ANGPT1: variants seen among roughly 807,000 people sequenced by gnomAD.
ANGPT1 encodes angiopoietin-1.
In ANGPT1, 17 loss-of-function variants were observed where a neutral mutation model predicts 62.2. That is an observed-to-expected ratio of 0.27 (90% CI 0.19 to 0.41). The LOEUF (loss-of-function observed/expected upper bound fraction) is 0.41. Among genes scored for constraint, ANGPT1 ranks in the 10% least tolerant of loss-of-function variants. The pLI, the probability that ANGPT1 is intolerant of heterozygous loss-of-function variation, is 1.00. For synonymous variants in ANGPT1, 199 were observed against 198.9 expected (o/e 1.00, Z 0.00); for missense variants, 478 against 594.9 (o/e 0.80, Z 2.04).
At chr8:107,255,496 C>A (rs1813337685) in intron 8 of ANGPT1, among the ~76,000 whole-genome samples, 1 of 152,310 alleles carries the variant, frequency 6.6e-6, no homozygotes, top group South Asian at 2.1e-4. Context: ...AAGACCCAGA[C>A]TTTTCATGCT....
At chr8:107,261,097 T>C (rs1422723764) in intron 8 of ANGPT1, among the ~76,000 whole-genome samples, 2 of 152,112 alleles carry the variant, frequency 1.3e-5, no homozygotes, top group South Asian at 4.1e-4. Context: ...TCTTTGAAAA[T>C]AGACATGGAG....
chr8:107,288,439 A>G (rs985953223), intron 6 of ANGPT1, among the ~76,000 whole-genome samples: 4 of 152,090 alleles, frequency 2.6e-5, no homozygotes, highest in African/African-American at 7.2e-5. Flanking sequence ...TACCATGCTA[A>G]TAAGTTAATA....
chr8:107,463,862 C>A (rs1361053826), intron 1 of ANGPT1, among the ~76,000 whole-genome samples: 1 of 152,068 alleles, frequency 6.6e-6, no homozygotes, highest in East Asian at 1.9e-4. Context: ...TTACAAGGAT[C>A]AAGAAACTCC....
intron 1 of ANGPT1, among the ~76,000 whole-genome samples, chr8:107,408,092 G>T (rs1817186761): frequency 6.6e-6 from 1 of 151,600 alleles, no homozygotes; most frequent in Non-Finnish European, 1.5e-5. Context: ...AAATAAAAAT[G>T]ATTTGGGTCA....
chr8:107,279,226 G>C (rs1039355643), intron 7 of ANGPT1, among the ~76,000 whole-genome samples: 1 of 152,074 alleles, frequency 6.6e-6, no homozygotes, highest in Non-Finnish European at 1.5e-5. Context: ...TTTTATCAAA[G>C]AATTGAAAGG....
In ANGPT1 at chr8:107,319,067, A is replaced by T. The variant is rs139128862; in HGVS notation, c.808+2829T>A. On this transcript the variant is annotated intron_variant, in intron 4 of 8. Transcript: ENST00000517746. ...TGCTTATAAAGCACATAATGAATGT[A>T]CTTAACTGAATCTTGTCCATCGAAG... Among the ~76,000 whole-genome samples, 940 of 152,316 alleles carry T rather than the reference A, an allele frequency of 6.2e-3. 9 individuals are homozygous for T. The highest frequency in any genetic ancestry group is 8.3e-3 in the Non-Finnish European group (567 of 68,010).
chr8:107,313,492 T>C (rs1814933306), intron 4 of ANGPT1, among the ~76,000 whole-genome samples: 1 of 121,594 alleles, frequency 8.2e-6, no homozygotes, highest in Non-Finnish European at 1.6e-5. Flanking sequence ...CAGGCTGGAG[T>C]GCAGCGGCGC....
At chr8:107,272,652 A>C (rs1007158085) in intron 7 of ANGPT1, among the ~76,000 whole-genome samples, 2 of 151,718 alleles carry the variant, frequency 1.3e-5, no homozygotes, top group African/African-American at 4.8e-5. Flanking sequence ...CCTCCAAAGA[A>C]AATAGCAAAC....
At chr8:107,381,265 C>T (rs1816631470) in intron 1 of ANGPT1, among the ~76,000 whole-genome samples, 1 of 152,116 alleles carries the variant, frequency 6.6e-6, no homozygotes, top group African/African-American at 2.4e-5. Context: ...AGGCAAAATG[C>T]TCAAAGGGGA....
chr8:107,471,268 C>A (rs1422614660), intron 1 of ANGPT1, among the ~76,000 whole-genome samples: 2 of 152,026 alleles, frequency 1.3e-5, no homozygotes, highest in Non-Finnish European at 2.9e-5. Context: ...AGCTGGAAAC[C>A]ATCATTCTCA....
chr8:107,335,368 T>A (rs1417428043), intron 3 of ANGPT1, among the ~76,000 whole-genome samples: 1 of 152,200 alleles, frequency 6.6e-6, no homozygotes, highest in Admixed American at 6.5e-5. Flanking sequence ...CTGAACCTTC[T>A]TCAAGTTATC....
chr8:107,450,886 C>T (rs770233229), intron 1 of ANGPT1, among the ~76,000 whole-genome samples: 5 of 151,748 alleles, frequency 3.3e-5, no homozygotes, highest in African/African-American at 1.2e-4. Context: ...TGATTTACCC[C>T]ACAATCACCC....
intron 1 of ANGPT1, among the ~76,000 whole-genome samples, chr8:107,476,751 A>G (rs923717229): frequency 6.6e-6 from 1 of 152,176 alleles, no homozygotes; most frequent in Non-Finnish European, 1.5e-5. Context: ...ATGCAGAAAT[A>G]TTTGCTTTTT....
intron 1 of ANGPT1, among the ~76,000 whole-genome samples, chr8:107,398,198 T>G (rs1341363515): frequency 2.0e-5 from 3 of 152,158 alleles, no homozygotes; most frequent in Non-Finnish European, 2.9e-5. Context: ...TTTTACAAAT[T>G]TTGTTCTTAT....
At chr8:107,377,728 G>A (rs1050726376) in intron 1 of ANGPT1, among the ~76,000 whole-genome samples, 6 of 152,154 alleles carry the variant, frequency 3.9e-5, no homozygotes, top group African/African-American at 9.7e-5. Flanking sequence ...TCACAAGTAA[G>A]CAGTGTAGAT....
intron 4 of ANGPT1, among the ~76,000 whole-genome samples, chr8:107,312,287 T>C (rs1263754722): frequency 6.6e-6 from 1 of 152,218 alleles, no homozygotes; most frequent in African/African-American, 2.4e-5. Context: ...GTTTCGTGTG[T>C]GTTAATTTCC....
chr8:107,489,706 T>A (rs1812908036), intron 1 of ANGPT1, among the ~76,000 whole-genome samples: 1 of 152,106 alleles, frequency 6.6e-6, no homozygotes, highest in Non-Finnish European at 1.5e-5. Flanking sequence ...CGTCATTCTT[T>A]AAAAACCTCT....
At chr8:107,274,673 T>C (rs530802603) in intron 7 of ANGPT1, among the ~76,000 whole-genome samples, 2 of 152,220 alleles carry the variant, frequency 1.3e-5, no homozygotes, top group Admixed American at 6.6e-5. Context: ...CCATAAACCT[T>C]TGGAGGCAGG....
At chr8:107,406,023 G>A (rs1817141427) in intron 1 of ANGPT1, among the ~76,000 whole-genome samples, 1 of 151,820 alleles carries the variant, frequency 6.6e-6, no homozygotes, top group African/African-American at 2.4e-5. Context: ...ATGTTTGAGA[G>A]TGTTCATACT....
Sources: gnomAD v4.1 joint callset for allele counts (sites outside exome capture counted in the v4.1 genomes callset) on GRCh38, gnomAD v4.1.1 for gene constraint, MANE v1.5 for transcripts, NCBI Gene and HGNC (gene_info 2026-07-23, HGNC 2026-07-21) for gene names.